The following RNF4 variants were observed in gnomAD, a reference collection of about 807,000 sequenced individuals.
The protein encoded by RNF4 is E3 ubiquitin-protein ligase RNF4.
A neutral mutation model predicts 24.3 loss-of-function variants in RNF4; 7 were observed. That is an observed-to-expected ratio of 0.29 (90% CI 0.16 to 0.54). The LOEUF is 0.54. Among genes scored for constraint, RNF4 ranks in the 20% least tolerant of loss-of-function variants. RNF4 has a pLI of 0.95. For missense variants in RNF4, 209 were observed against 248.5 expected (o/e 0.84, Z 1.07); for synonymous variants, 83 against 84.3 (o/e 0.98, Z 0.09).
intron 2 of RNF4, chr4:2,494,625 C>A (rs1474649900): frequency 6.6e-6 from 1 of 152,124 alleles, no homozygotes; most frequent in Non-Finnish European, 1.5e-5. Flanking sequence ...TGTGATCCGC[C>A]CGCCTCAGCC....
intron 4 of RNF4, among the ~76,000 whole-genome samples, chr4:2,509,163 C>T (rs1333866145): frequency 6.6e-6 from 1 of 151,514 alleles, no homozygotes; most frequent in Non-Finnish European, 1.5e-5. Context: ...AGGTTTTCTG[C>T]CCGCCTCTGC....
chr4:2,512,643 G>A lies in RNF4; in HGVS notation c.374+46G>A, dbSNP rs776525878. 5.6e-6 allele frequency: 9 copies of A among 1,604,184 alleles called. No individual in the cohort carries two copies. In the East Asian group the frequency reaches 1.8e-4, roughly 32 times the overall value. On this transcript the variant is annotated intron_variant, in intron 6 of 7. Transcript: ENST00000314289. This position sits in a 1 kb window ranked among gnomAD's most constrained non-coding sequence, Gnocchi z 4.1. Reference sequence around the variant, plus strand: ...CTGCTGCCGCCATGCTAGGATGTGGGGCCAGGGCATGGGAATACTTTTCAG... The same window carrying A: ...CTGCTGCCGCCATGCTAGGATGTGGAGCCAGGGCATGGGAATACTTTTCAG...
At chr4:2,482,913 G>A (rs757500268) in intron 1 of RNF4, among the ~76,000 whole-genome samples, 5 of 152,152 alleles carry the variant, frequency 3.3e-5, no homozygotes, top group African/African-American at 1.2e-4. Flanking sequence ...AGTCTAAGCC[G>A]TTGTGATTAG....
intron 1 of RNF4, among the ~76,000 whole-genome samples, chr4:2,477,097 T>C (rs1019095627): frequency 2.6e-5 from 4 of 152,144 alleles, no homozygotes; most frequent in Admixed American, 2.0e-4. Context: ...CCTCAAACTT[T>C]AAGCTAAATT....
chr4:2,505,296 C>T (rs2108774177), intron 4 of RNF4: 1 of 152,070 alleles, frequency 6.6e-6, no homozygotes, highest in Middle Eastern at 3.3e-3. Context: ...ATTTTCTCCA[C>T]CACTTCTTTC....
chr4:2,496,936 C>A, intron 2 of RNF4, 71 bp from the exon 3 acceptor site: 1 of 1,099,766 alleles, frequency 9.1e-7, no homozygotes, highest in Non-Finnish European at 1.3e-6. Context: ...ATTTCTATTG[C>A]CCATTTAGTT....
At chr4:2,509,479 A>G (rs1043694473) in intron 4 of RNF4, among the ~76,000 whole-genome samples, 1 of 152,030 alleles carries the variant, frequency 6.6e-6, no homozygotes, top group Non-Finnish European at 1.5e-5. Context: ...CGGCCTCCCA[A>G]AGTGCTGAGA....
At chr4:2,503,236 C>T (rs150119266) in intron 4 of RNF4, among the ~76,000 whole-genome samples, 112 of 152,250 alleles carry the variant, frequency 7.4e-4, no homozygotes, top group African/African-American at 2.4e-3. Context: ...CTGAACTTCC[C>T]TACCTTTCTT....
chr4:2,507,806 A>G (rs1261678503), intron 4 of RNF4, among the ~76,000 whole-genome samples: 1 of 152,130 alleles, frequency 6.6e-6, no homozygotes, highest in Admixed American at 6.5e-5. Context: ...AGTTGAGAAG[A>G]AGCTAGAGTA....
chr4:2,505,689 C>T (rs1018942181), intron 4 of RNF4: 6 of 127,390 alleles, frequency 4.7e-5, no homozygotes, highest in South Asian at 2.7e-4. Flanking sequence ...CATTGGTAGT[C>T]TAGACATCAA....
intron 2 of RNF4, among the ~76,000 whole-genome samples, chr4:2,495,638 T>TGG (rs1209395869): frequency 5.1e-3 from 368 of 71,804 alleles, no homozygotes; most frequent in South Asian, 0.014. Flanking sequence ...TCTTTTTTTT[T>TGG]TGGGGGGGGG....
Position 2,513,672 on chromosome 4 carries a change from C to T in RNF4, c.426C>T (p.Ile142=), listed in dbSNP as rs769839681. The T allele has an allele frequency of 9.9e-6, 16 of 1,613,638 alleles. No homozygotes were observed. The highest frequency in any genetic ancestry group is 2.7e-5 in the African/African-American group (2 of 74,900). The change falls in exon 8 of 8, where the codon ATC becomes ATT. Residue 142 remains isoleucine (I), a splice_region_variant and synonymous_variant. Transcript: ENST00000314289. The part of the protein sequence containing the change: ...CPICMDGYSE[I]VQNGRLIVST... ...CTCTTCTTTTTAATGCCTTCTAGAT[C>T]GTGCAGAATGGACGTCTCATCGTTT...
At chr4:2,506,551 T>C (rs974385165) in intron 4 of RNF4, among the ~76,000 whole-genome samples, 1 of 151,416 alleles carries the variant, frequency 6.6e-6, no homozygotes, top group Admixed American at 6.6e-5. Flanking sequence ...TCCAAATTTG[T>C]TTTTTTTCTT....
chr4:2,486,864 G>T (rs1274443206), intron 1 of RNF4, among the ~76,000 whole-genome samples: 1 of 152,200 alleles, frequency 6.6e-6, no homozygotes, highest in Admixed American at 6.5e-5. Flanking sequence ...CGCTATTGAT[G>T]TGGCGGGGAG....
At chr4:2,493,801 A>G (rs1402544096) in intron 2 of RNF4, among the ~76,000 whole-genome samples, 1 of 151,856 alleles carries the variant, frequency 6.6e-6, no homozygotes. Flanking sequence ...ATACGAGGAC[A>G]AAGGACATTG....
At chr4:2,481,838 G>A (rs1281440031) in intron 1 of RNF4, among the ~76,000 whole-genome samples, 1 of 152,176 alleles carries the variant, frequency 6.6e-6, no homozygotes, top group South Asian at 2.1e-4. Context: ...CTCCCAAGTA[G>A]CTGGGACTAC....
At chr4:2,513,250 G>A (rs1736319951) in intron 7 of RNF4, 119 bp downstream of exon 7, 2 of 939,390 alleles carry the variant, frequency 2.1e-6, no homozygotes, top group African/African-American at 1.6e-5. Context: ...AGTCATGCCT[G>A]GGCCGTCACT....
At chr4:2,505,609 G>T (rs1159095743) in intron 4 of RNF4, 1 of 151,640 alleles carries the variant, frequency 6.6e-6, no homozygotes, top group African/African-American at 2.4e-5. Context: ...ATAGGTGTGA[G>T]CCACCGCGCC....
intron 1 of RNF4, chr4:2,480,985 G>T (rs1391884910): frequency 6.6e-6 from 1 of 152,238 alleles, no homozygotes; most frequent in Non-Finnish European, 1.5e-5. Context: ...TGTCATCTGT[G>T]AGAAATATTA....
Sources: gnomAD v4.1 joint callset for allele counts (sites outside exome capture counted in the v4.1 genomes callset) on GRCh38, gnomAD v4.1.1 for gene constraint, Gnocchi (gnomAD v3.1) non-coding constraint, MANE v1.5 for transcripts, NCBI Gene and HGNC (gene_info 2026-07-23, HGNC 2026-07-21) for gene names.